PCDH7: variants seen among roughly 807,000 people sequenced by gnomAD.
The protein encoded by PCDH7 is protocadherin-7.
A neutral mutation model predicts 58.9 loss-of-function variants in PCDH7; 17 were observed. That is an observed-to-expected ratio of 0.29 (90% confidence interval 0.20 to 0.43). The LOEUF (loss-of-function observed/expected upper bound fraction) is 0.43. Among genes scored for constraint, PCDH7 ranks in the 20% least tolerant of loss-of-function variants. The pLI is 1.00. For synonymous variants in PCDH7, 664 were observed against 616.4 expected, an observed-to-expected ratio of 1.08 and a Z score of -1.14; for missense variants, 1,274 against 1,441.0, an observed-to-expected ratio of 0.88 and a Z score of 1.88.
At chr4:30,998,437 G>A (rs180934134) in intron 3 of PCDH7, among the ~76,000 whole-genome samples, 1 of 152,284 alleles carries the variant, frequency 6.6e-6, no homozygotes, top group Admixed American at 6.5e-5. Context: ...GTAGTTGTCT[G>A]ACTGAGATAT....
chr4:30,766,093 T>C (rs1241358094), intron 1 of PCDH7, among the ~76,000 whole-genome samples: 1 of 135,978 alleles, frequency 7.4e-6, no homozygotes, highest in Non-Finnish European at 1.5e-5. Context: ...GCCAGACAGA[T>C]CTCTCCCATT....
At chr4:30,894,490 A>AAT (rs1553909430) in intron 1 of PCDH7, among the ~76,000 whole-genome samples, 1,135 of 33,250 alleles carry the variant, frequency 0.034, 27 homozygotes, top group Non-Finnish European at 0.049. Context: ...AAAAAAAAAA[A>AAT]ATATATATAT....
intron 3 of PCDH7, among the ~76,000 whole-genome samples, chr4:31,095,212 G>T (rs1489585892): frequency 1.3e-5 from 2 of 151,828 alleles, no homozygotes; most frequent in African/African-American, 4.8e-5. Context: ...TATAGGAATT[G>T]GTTCTATGGT....
intron 3 of PCDH7, among the ~76,000 whole-genome samples, chr4:31,009,361 T>A (rs954023834): frequency 6.6e-6 from 1 of 151,988 alleles, no homozygotes; most frequent in Non-Finnish European, 1.5e-5. Context: ...AGAGTTTTAT[T>A]TTTACTGAAA....
At chr4:30,894,515 A>G (rs1454536443) in intron 1 of PCDH7, among the ~76,000 whole-genome samples, 1 of 45,036 alleles carries the variant, frequency 2.2e-5, no homozygotes, top group Non-Finnish European at 3.6e-5. Flanking sequence ...ATATATATAT[A>G]TACACACACA....
At chr4:30,908,565 A>T (rs989149638) in intron 1 of PCDH7, among the ~76,000 whole-genome samples, 3 of 152,028 alleles carry the variant, frequency 2.0e-5, no homozygotes, top group African/African-American at 4.8e-5. Flanking sequence ...ACACATACAC[A>T]CTCCCAAGAT....
Position 30,889,044 on chromosome 4 carries a change from G to A in PCDH7, c.71-31109G>A, listed in dbSNP as rs569018983. Among the ~76,000 whole-genome samples, 613 of 151,028 alleles carry A rather than the reference G, an allele frequency of 4.1e-3. 2 individuals carry two copies. The highest frequency in any genetic ancestry group is 5.8e-3 in the Non-Finnish European group (392 of 67,804). On this transcript the variant is annotated intron_variant, in intron 1 of 3. Transcript: ENST00000509759. ...ACAAATTAAAAACTTATCCAGGCTT[G>A]GCGGTGCATGCCTTTAGTCCCAGCC... is the stretch of plus-strand genomic sequence containing the variant.
intron 1 of PCDH7, among the ~76,000 whole-genome samples, chr4:30,778,079 C>T (rs924004029): frequency 3.9e-5 from 6 of 151,962 alleles, no homozygotes; most frequent in African/African-American, 1.4e-4. Context: ...GTCCAAGATG[C>T]CAAAGGTCAC....
At chr4:30,945,602 G>A (rs1025136868) in intron 2 of PCDH7, among the ~76,000 whole-genome samples, 1 of 151,584 alleles carries the variant, frequency 6.6e-6, no homozygotes. Flanking sequence ...TTTTAAACAA[G>A]TATTCTCTAT....
At chr4:30,917,560 AG>A (rs1742635007) in intron 1 of PCDH7, among the ~76,000 whole-genome samples, 1 of 152,016 alleles carries the variant, frequency 6.6e-6, no homozygotes, top group Admixed American at 6.6e-5. Context: ...AAATGCAAAA[AG>A]CATTTTATAC....
At chr4:30,785,167 A>T (rs1723238481) in intron 1 of PCDH7, among the ~76,000 whole-genome samples, 1 of 152,072 alleles carries the variant, frequency 6.6e-6, no homozygotes, top group African/African-American at 2.4e-5. Context: ...CTATGGAATC[A>T]TACCATATAT....
chr4:31,103,605 G>A lies in PCDH7; in HGVS notation c.*8-38868G>A, dbSNP rs186451590. 1.1e-3 allele frequency among the ~76,000 whole-genome samples: 164 copies of A among 152,176 alleles called. 1 individual carries two copies. The highest frequency in any genetic ancestry group is 3.5e-3 in the African/African-American group (144 of 41,534). ...CACCTGCCTCAGCTCCCAAAGTGCTGGGATTACAAGCATGAGCCTCCCAAT... is the reference window on the plus strand; with the variant it reads ...CACCTGCCTCAGCTCCCAAAGTGCTAGGATTACAAGCATGAGCCTCCCAAT... On this transcript the variant is annotated intron_variant, in intron 3 of 3. Transcript: ENST00000509759.
chr4:31,115,104 T>C (rs1220502304), intron 3 of PCDH7, among the ~76,000 whole-genome samples: 1 of 152,168 alleles, frequency 6.6e-6, no homozygotes, highest in African/African-American at 2.4e-5. Context: ...TTTCGCTTAC[T>C]GAAAATCTAC....
chr4:30,807,101 T>C (rs1348407051), intron 1 of PCDH7, among the ~76,000 whole-genome samples: 1 of 152,216 alleles, frequency 6.6e-6, no homozygotes, highest in East Asian at 1.9e-4. Flanking sequence ...GGATTTCTCA[T>C]GAAGAACTAC....
chr4:30,744,279 T>A (rs2109251478), intron 1 of PCDH7, among the ~76,000 whole-genome samples: 1 of 152,254 alleles, frequency 6.6e-6, no homozygotes, highest in East Asian at 1.9e-4. Context: ...AATTTACATT[T>A]TTAAAAAAAT....
intron 1 of PCDH7, among the ~76,000 whole-genome samples, chr4:30,750,402 C>G (rs905943139): frequency 1.3e-5 from 2 of 152,044 alleles, no homozygotes; most frequent in African/African-American, 4.8e-5. Flanking sequence ...AGAACATGAT[C>G]ACAATAAATG....
intron 3 of PCDH7, among the ~76,000 whole-genome samples, chr4:30,980,424 G>A (rs148653015): frequency 1.3e-5 from 2 of 152,004 alleles, no homozygotes; most frequent in Admixed American, 6.5e-5. Context: ...CACATATTTA[G>A]CTATTGGGGA....
At chr4:30,800,091 C>G (rs1173578900) in intron 1 of PCDH7, among the ~76,000 whole-genome samples, 2 of 151,810 alleles carry the variant, frequency 1.3e-5, no homozygotes, top group Non-Finnish European at 2.9e-5. Context: ...AACTCCTGAC[C>G]TCATGATCTG....
chr4:30,983,030 T>C (rs765377317), intron 3 of PCDH7, among the ~76,000 whole-genome samples: 8 of 152,234 alleles, frequency 5.3e-5, no homozygotes, highest in Non-Finnish European at 1.0e-4. Flanking sequence ...ATTGATAACA[T>C]GCCTCTACTC....
Sources: gnomAD v4.1 joint callset for allele counts (sites outside exome capture counted in the v4.1 genomes callset) on GRCh38, gnomAD v4.1.1 for gene constraint, MANE v1.5 for transcripts, NCBI Gene and HGNC (gene_info 2026-07-23, HGNC 2026-07-21) for gene names.